The following LRRTM4 variants were observed in gnomAD, a reference collection of about 807,000 sequenced individuals.
LRRTM4 encodes the protein leucine rich repeat transmembrane neuronal 4.
Under a neutral mutation model 47.6 loss-of-function variants are expected in LRRTM4, and 25 were observed. That is an observed-to-expected ratio of 0.53 (90% CI 0.38 to 0.73). The LOEUF (loss-of-function observed/expected upper bound fraction) is 0.73, where lower values mean the gene tolerates loss of function less well. Ranked by LOEUF, LRRTM4 falls within the 30% of genes least tolerant of loss-of-function variation. LRRTM4 has a pLI of 0.00. For missense variants in LRRTM4, 638 were observed against 713.4 expected, an observed-to-expected ratio of 0.89 and a Z score of 1.20; for synonymous variants, 311 against 269.5, an observed-to-expected ratio of 1.15 and a Z score of -1.51.
At chr2:77,506,919 G>A (rs1922811) in intron 3 of LRRTM4, among the ~76,000 whole-genome samples, 85,399 of 151,726 alleles carry the variant, frequency 0.56, 24,437 homozygotes, top group Middle Eastern at 0.66. Flanking sequence ...TCAAAGTAAT[G>A]TTATGCAATC....
chr2:76,923,257 G>T (rs1376761582), intron 3 of LRRTM4, among the ~76,000 whole-genome samples: 2 of 151,930 alleles, frequency 1.3e-5, no homozygotes, highest in Non-Finnish European at 2.9e-5. Context: ...TTTGTCTAAA[G>T]TTCATGAAAC....
intron 3 of LRRTM4, among the ~76,000 whole-genome samples, chr2:77,224,514 G>C (rs2103956559): frequency 6.6e-6 from 1 of 152,166 alleles, no homozygotes. Flanking sequence ...AAATTTGCAA[G>C]AAGAAAAACA....
chr2:77,269,231 A>T (rs1028095952), intron 3 of LRRTM4, among the ~76,000 whole-genome samples: 3 of 152,074 alleles, frequency 2.0e-5, no homozygotes, highest in Non-Finnish European at 4.4e-5. Context: ...ACAATATATG[A>T]TTATATATTT....
chr2:76,926,047 C>T (rs1674579389), intron 3 of LRRTM4, among the ~76,000 whole-genome samples: 1 of 152,122 alleles, frequency 6.6e-6, no homozygotes, highest in Non-Finnish European at 1.5e-5. Flanking sequence ...ATAAATGACA[C>T]ATGGTCAGCC....
At chr2:76,880,866 T>C (rs773131644) in intron 3 of LRRTM4, among the ~76,000 whole-genome samples, 4 of 152,146 alleles carry the variant, frequency 2.6e-5, no homozygotes, top group South Asian at 2.1e-4. Context: ...TTAGTGACCA[T>C]GAAGACATGG....
intron 3 of LRRTM4, among the ~76,000 whole-genome samples, chr2:77,073,126 A>G (rs143326775): frequency 2.4e-3 from 358 of 151,976 alleles, no homozygotes; most frequent in African/African-American, 8.3e-3. Context: ...TACACCTGCT[A>G]TGTTTCTGAT....
chr2:77,324,168 T>C (rs1670661947), intron 3 of LRRTM4, among the ~76,000 whole-genome samples: 1 of 152,116 alleles, frequency 6.6e-6, no homozygotes, highest in Admixed American at 6.6e-5. Flanking sequence ...TGGTGTTCTC[T>C]CCCTATCCCA....
At chr2:77,287,365 A>T (rs1228765512) in intron 3 of LRRTM4, among the ~76,000 whole-genome samples, 1 of 151,964 alleles carries the variant, frequency 6.6e-6, no homozygotes, top group East Asian at 1.9e-4. Context: ...AGCTCCTCTT[A>T]TCTACTCATG....
At chr2:76,951,815 T>C (rs899173305) in intron 3 of LRRTM4, among the ~76,000 whole-genome samples, 3 of 151,732 alleles carry the variant, frequency 2.0e-5, no homozygotes, top group African/African-American at 4.8e-5. Context: ...CAGTGTGTGA[T>C]GTTCCCCTCC....
chr2:77,515,594 TTTTAA>T (rs1343133193), intron 3 of LRRTM4, among the ~76,000 whole-genome samples: 2 of 151,774 alleles, frequency 1.3e-5, no homozygotes, highest in African/African-American at 4.8e-5. Flanking sequence ...AGTTTGGTGT[TTTTAA>T]TTTTTTTTTA....
chr2:77,322,826 ACT>A lies in LRRTM4; in HGVS notation c.1551+195490_1551+195491del, dbSNP rs61495510. Among the ~76,000 whole-genome samples, 531 of 131,470 alleles carry A rather than the reference ACT, an allele frequency of 4.0e-3. 1 individual carries two copies. Among genetic ancestry groups the A allele is most frequent in the Middle Eastern group, 0.012 (3 of 254 alleles). The allele number at this position is 131,470 out of a possible 152,430, so 86.2% of individuals were successfully genotyped here. ...GGGTTGGGATGTTGGAACTACATAA[ACT>A]CTCTCTCTCTCTCTCTCTCTCTTTC... is the stretch of plus-strand genomic sequence containing the variant. On this transcript the variant is annotated intron_variant, in intron 3 of 3. Transcript: ENST00000409884.
At chr2:77,457,004 G>GTATATATA (rs1171771344) in intron 3 of LRRTM4, among the ~76,000 whole-genome samples, 131 of 23,048 alleles carry the variant, frequency 5.7e-3, no homozygotes, top group South Asian at 9.4e-3. Flanking sequence ...GTGTGTGTGT[G>GTATATATA]TATATATATA....
At chr2:77,119,238 A>G (rs947887270) in intron 3 of LRRTM4, among the ~76,000 whole-genome samples, 3 of 151,764 alleles carry the variant, frequency 2.0e-5, no homozygotes, top group Admixed American at 2.0e-4. Flanking sequence ...GAATTTCTTG[A>G]GTCTACTTTC....
chr2:77,234,918 T>C (rs1427032538), intron 3 of LRRTM4, among the ~76,000 whole-genome samples: 2 of 152,146 alleles, frequency 1.3e-5, no homozygotes. Context: ...GTGTCTATTG[T>C]TGCCATCTTT....
At chr2:76,979,885 T>G (rs1475764968) in intron 3 of LRRTM4, among the ~76,000 whole-genome samples, 1 of 151,928 alleles carries the variant, frequency 6.6e-6, no homozygotes, top group Non-Finnish European at 1.5e-5. Context: ...AATAACTTCT[T>G]TTCTTCTCAC....
intron 3 of LRRTM4, among the ~76,000 whole-genome samples, chr2:77,345,254 A>C (rs1478524913): frequency 6.6e-6 from 1 of 151,844 alleles, no homozygotes; most frequent in Non-Finnish European, 1.5e-5. Context: ...ACAATAATTA[A>C]AAAGAAAAAG....
intron 3 of LRRTM4, among the ~76,000 whole-genome samples, chr2:76,819,716 A>C (rs1239644881): frequency 6.6e-6 from 1 of 151,950 alleles, no homozygotes; most frequent in Non-Finnish European, 1.5e-5. Flanking sequence ...TACCAGTGCA[A>C]TCAGATCTTT....
intron 3 of LRRTM4, among the ~76,000 whole-genome samples, chr2:77,385,878 G>A (rs1374128450): frequency 4.0e-5 from 6 of 150,058 alleles, no homozygotes; most frequent in Admixed American, 3.3e-4. Flanking sequence ...CTCCCGACTA[G>A]CTGGGATTAC....
chr2:77,479,828 T>A (rs547116798), intron 3 of LRRTM4, among the ~76,000 whole-genome samples: 1 of 152,104 alleles, frequency 6.6e-6, no homozygotes, highest in Non-Finnish European at 1.5e-5. Flanking sequence ...CTCATCAGAC[T>A]TCTTCAGAAT....
Sources: gnomAD v4.1 joint callset for allele counts (sites outside exome capture counted in the v4.1 genomes callset) on GRCh38, gnomAD v4.1.1 for gene constraint, MANE v1.5 for transcripts, NCBI Gene and HGNC (gene_info 2026-07-23, HGNC 2026-07-21) for gene names.